Variants in PDE10A observed in about 807,000 individuals in gnomAD.
PDE10A encodes phosphodiesterase 10A, also known as cAMP and cAMP-inhibited cGMP 3',5'-cyclic phosphodiesterase 10A.
Under a neutral mutation model 97.7 loss-of-function variants are expected in PDE10A, and 39 were observed. That is an observed-to-expected ratio of 0.40 (90% CI 0.31 to 0.52). PDE10A has a LOEUF of 0.52. PDE10A is among the 20% of genes least tolerant of loss of function. The pLI, the probability that PDE10A is intolerant of heterozygous loss-of-function variation, is 0.56. For missense variants in PDE10A, 731 were observed against 1,047.8 expected (o/e 0.70, Z 4.17); for synonymous variants, 371 against 376.8 (o/e 0.98, Z 0.18).
At position 165,405,295 on chromosome 6, in the gene PDE10A, T is replaced by C. The variant is rs148560217; in HGVS notation, c.2076+8206A>G. Among the ~76,000 whole-genome samples, 221 of 152,270 alleles carry C rather than the reference T, an allele frequency of 1.5e-3. 1 individual carries two copies. The Middle Eastern group carries it at 0.024, about 16-fold the overall frequency. ...TCCATCTTAGGGCAGACATAAAAGG[T>C]ACCTCTATAGGCTCTTCCTTGCTAT... is the stretch of plus-strand genomic sequence containing the variant. On this transcript the variant is annotated intron_variant, in intron 13 of 21. Transcript: ENST00000539869.
At chr6:165,683,590 G>A (rs4235951) in intron 1 of PDE10A, among the ~76,000 whole-genome samples, 131,125 of 152,144 alleles carry the variant, frequency 0.86, 56,750 homozygotes, top group South Asian at 0.92. Flanking sequence ...ATTAAGTGCC[G>A]TGTTTTATCA....
chr6:165,597,228 A>G (rs1786652880), intron 1 of PDE10A, among the ~76,000 whole-genome samples: 1 of 152,178 alleles, frequency 6.6e-6, no homozygotes, highest in African/African-American at 2.4e-5. Context: ...GGCACATAGT[A>G]GACACCCGAT....
At chr6:165,766,809 G>A (rs183312168) in intron 1 of PDE10A, among the ~76,000 whole-genome samples, 1 of 152,358 alleles carries the variant, frequency 6.6e-6, no homozygotes, top group African/African-American at 2.4e-5. Flanking sequence ...AATGTGTTTA[G>A]TAGTTTGCCA....
At chr6:165,430,467 T>C in intron 8 of PDE10A, 122 bp from the exon 9 acceptor site, 4 of 590,452 alleles carry the variant, frequency 6.8e-6, no homozygotes, top group Non-Finnish European at 9.0e-6. Context: ...TGGGTTATAA[T>C]GTAATAATAA....
At chr6:165,450,741 T>G (rs574505599) in intron 3 of PDE10A, among the ~76,000 whole-genome samples, 12 of 151,998 alleles carry the variant, frequency 7.9e-5, no homozygotes, top group African/African-American at 2.9e-4. Context: ...TTGTATTTTT[T>G]GTAGTGACAG....
Position 165,379,240 on chromosome 6 carries a change from C to T in PDE10A, c.2737G>A (p.Glu913Lys). ...LYFGNRKQLE[E>K]MYQTGSLNLN... ...TTTAGTGATCCGGTCTGGTACATCTCTTCCAACTGCTTCCTGTTTCCAAAG... is the reference window on the plus strand; with the variant it reads ...TTTAGTGATCCGGTCTGGTACATCTTTTCCAACTGCTTCCTGTTTCCAAAG... The change falls in exon 18 of 22, where the codon GAG (glutamate) becomes AAG (lysine). Residue 913 changes from glutamate to lysine, a missense_variant. Physicochemically the swap from Glu to Lys is moderately conservative, Grantham distance 56. Coordinates refer to ENST00000539869, the MANE Select transcript of PDE10A (RefSeq NM_001385079.1). 6.2e-7 allele frequency: 1 copy of T among 1,613,742 alleles called. No homozygotes were observed. The highest frequency in any genetic ancestry group is 2.2e-5 in the East Asian group (1 of 44,858).
At chr6:165,678,503 A>G (rs1020148724) in intron 1 of PDE10A, among the ~76,000 whole-genome samples, 1 of 152,110 alleles carries the variant, frequency 6.6e-6, no homozygotes, top group Non-Finnish European at 1.5e-5. Flanking sequence ...GGAAGTGTGA[A>G]GGCTCAAATC....
chr6:165,379,415 A>G (rs779368735), intron 17 of PDE10A, 49 bp from the exon 18 acceptor site: 4 of 1,415,826 alleles, frequency 2.8e-6, no homozygotes, highest in South Asian at 1.2e-5. Flanking sequence ...CACAAGCTCT[A>G]ATCTTATGAC....
At chr6:165,714,228 G>A (rs1791971604) in intron 1 of PDE10A, among the ~76,000 whole-genome samples, 1 of 152,232 alleles carries the variant, frequency 6.6e-6, no homozygotes. Flanking sequence ...TGCGTGGGCA[G>A]TCAGGATTTC....
intron 1 of PDE10A, chr6:165,949,350 G>A (rs954218023): frequency 2.6e-5 from 4 of 152,268 alleles, no homozygotes; most frequent in African/African-American, 4.8e-5. Flanking sequence ...GCTGGAGGAG[G>A]TGCCCATGGC....
intron 1 of PDE10A, among the ~76,000 whole-genome samples, chr6:165,817,067 G>C (rs1779438394): frequency 1.3e-5 from 2 of 152,150 alleles, no homozygotes; most frequent in African/African-American, 4.8e-5. Flanking sequence ...CAACAACCGT[G>C]CTCAGGAAGG....
intron 1 of PDE10A, among the ~76,000 whole-genome samples, chr6:165,644,874 A>AT (rs1789313037): frequency 6.6e-6 from 1 of 152,226 alleles, no homozygotes; most frequent in Admixed American, 6.5e-5. Context: ...GGCAAGCGTG[A>AT]TTGTCTGGAT....
intron 1 of PDE10A, among the ~76,000 whole-genome samples, chr6:165,634,266 TGGAGCGTCATGGGTTGTTGAGGAGTGTGC>T (rs1348458594): frequency 1.3e-5 from 2 of 152,118 alleles, no homozygotes; most frequent in Admixed American, 6.6e-5. Flanking sequence ...TGTGTGTGTG[TGGAGCGTCATGGGTTGTTGAGGAGTGTGC>T]GGAGTGTATC....
At chr6:165,953,356 C>T (rs537028671) in intron 1 of PDE10A, among the ~76,000 whole-genome samples, 3 of 152,170 alleles carry the variant, frequency 2.0e-5, no homozygotes, top group Admixed American at 6.5e-5. Flanking sequence ...TTTGGGAGGC[C>T]GAGGCGGGCG....
chr6:165,695,330 C>T (rs1791417525), intron 1 of PDE10A, among the ~76,000 whole-genome samples: 1 of 150,236 alleles, frequency 6.7e-6, no homozygotes, highest in Non-Finnish European at 1.5e-5. Context: ...CTATCAAAAT[C>T]TGGTAGGAAT....
At chr6:165,497,804 C>T (rs1780626581) in intron 2 of PDE10A, among the ~76,000 whole-genome samples, 1 of 152,180 alleles carries the variant, frequency 6.6e-6, no homozygotes, top group South Asian at 2.1e-4. Context: ...AATTTATCTA[C>T]TGATGCTTTA....
rs374037848 is a variant in PDE10A at position 165,459,558 on chromosome 6, C to CAGAT, written c.1024-9200_1024-9197dup. Among the ~76,000 whole-genome samples, 13 of 93,708 alleles carry CAGAT rather than the reference C, an allele frequency of 1.4e-4. No homozygotes were observed. In the East Asian group the frequency reaches 2.7e-3, roughly 19 times the overall value. The allele number at this position is 93,708 out of a possible 152,430, so 61.5% of individuals were successfully genotyped here. A position where few individuals can be genotyped will look rare whatever the true frequency, so the allele number is the denominator to read the frequency against. ...ACAGACAGACAGACAGACAGACAGA[C>CAGAT]AGATAGATAGATAATGATAGATATA... On this transcript the variant is annotated intron_variant, in intron 3 of 21. Coordinates refer to ENST00000539869, the MANE Select transcript of PDE10A (RefSeq NM_001385079.1).
intron 13 of PDE10A, among the ~76,000 whole-genome samples, chr6:165,407,626 T>A (rs1365614640): frequency 2.0e-5 from 3 of 152,234 alleles, no homozygotes; most frequent in Admixed American, 1.3e-4. Context: ...CTTATTCAAT[T>A]TGTCCCTAAC....
intron 1 of PDE10A, among the ~76,000 whole-genome samples, chr6:165,691,775 C>A (rs1254314965): frequency 6.6e-6 from 1 of 152,230 alleles, no homozygotes; most frequent in Non-Finnish European, 1.5e-5. Context: ...GCTCAGCAGG[C>A]ACCACTCAGC....
Sources: gnomAD v4.1 joint callset for allele counts (sites outside exome capture counted in the v4.1 genomes callset) on GRCh38, gnomAD v4.1.1 for gene constraint, MANE v1.5 for transcripts, NCBI Gene and HGNC (gene_info 2026-07-23, HGNC 2026-07-21) for gene names.